The following LY75 variants were observed in gnomAD, a reference collection of about 807,000 sequenced individuals.
LY75 encodes C-type lectin domain family 13 member B.
In LY75, 185 loss-of-function variants were observed where a neutral mutation model predicts 231.7. The ratio of observed to expected loss-of-function variants is 0.80; its 90% CI spans 0.71 to 0.90. The LOEUF (loss-of-function observed/expected upper bound fraction) is 0.90, where lower values mean the gene tolerates loss of function less well. LY75 is among the 40% of genes least tolerant of loss of function. The pLI, the probability that LY75 is intolerant of heterozygous loss-of-function variation, is 0.00. For missense variants in LY75, 1,947 were observed against 2,050.2 expected (o/e 0.95, Z 0.97); for synonymous variants, 668 against 689.0 (o/e 0.97, Z 0.48).
intron 25 of LY75, among the ~76,000 whole-genome samples, chr2:159,839,504 A>T (rs370778246): frequency 3.3e-5 from 5 of 152,312 alleles, no homozygotes; most frequent in Admixed American, 2.6e-4. Flanking sequence ...TAGGATCAGC[A>T]CTTGAGATGG....
chr2:159,882,029 C>T, intron 7 of LY75, 95 bp downstream of exon 7: 1 of 1,423,378 alleles, frequency 7.0e-7, no homozygotes, highest in Non-Finnish European at 9.5e-7. Context: ...TCTGTGGGAT[C>T]AAACTGTAAG....
chr2:159,850,788 ATATATATATATT>A (rs1466896742), intron 21 of LY75, among the ~76,000 whole-genome samples: 2 of 106,812 alleles, frequency 1.9e-5, no homozygotes, highest in East Asian at 2.2e-4. Context: ...ATATATATAT[ATATATATATATT>A]ATATCTTATA....
chr2:159,804,982 A>T lies in LY75; in HGVS notation c.*62T>A. The T allele has an allele frequency of 7.5e-7, 1 of 1,328,946 alleles. No individual in the cohort carries two copies. Among genetic ancestry groups the T allele is most frequent in the Non-Finnish European group, 1.1e-6 (1 of 937,088 alleles). The allele number at this position is 1,328,946 out of a possible 1,614,324, so 82.3% of individuals were successfully genotyped here. On this transcript the variant is annotated 3_prime_UTR_variant, in exon 35 of 35. Transcript: ENST00000263636. ...GAGCAGAGTAAATACTGACACTGGG[A>T]CATTTTAAGTGACTAATTTCTCATA...
At chr2:159,841,665 G>A (rs1284127011) in intron 24 of LY75, among the ~76,000 whole-genome samples, 3 of 152,042 alleles carry the variant, frequency 2.0e-5, no homozygotes, top group Non-Finnish European at 4.4e-5. Context: ...TGTTTATAAT[G>A]TTTCAAACCC....
intron 23 of LY75, among the ~76,000 whole-genome samples, chr2:159,848,605 T>C (rs1275970408): frequency 6.6e-6 from 1 of 152,110 alleles, no homozygotes; most frequent in Non-Finnish European, 1.5e-5. Context: ...ACTTATGATA[T>C]AATACAAACT....
chr2:159,894,025 C>G lies in LY75; in HGVS notation c.526G>C (p.Asp176His). 1 of 1,613,802 alleles carries G rather than the reference C, an allele frequency of 6.2e-7. No homozygotes were observed. Residue 176 changes from aspartate (D) to histidine (H), a missense_variant, in exon 3 of 35, where the codon GAT becomes CAT. Physicochemically the swap from Asp to His is moderately conservative, Grantham distance 81. Transcript: ENST00000263636. ...GRPCEFPFLI[D>H]GTWHHDCILD... ...ATGCAATCATGATGCCAGGTCCCATCAATTAAGAATGGAAATTCACAAGGT... is the reference window on the plus strand; with the variant it reads ...ATGCAATCATGATGCCAGGTCCCATGAATTAAGAATGGAAATTCACAAGGT...
chr2:159,876,818 C>T, intron 11 of LY75, among the ~76,000 whole-genome samples: 1 of 151,608 alleles, frequency 6.6e-6, no homozygotes, highest in Middle Eastern at 3.2e-3. Context: ...CCAGCCTGGC[C>T]AAAATGGTGA....
At chr2:159,829,337 C>A (rs1361752090) in intron 28 of LY75, among the ~76,000 whole-genome samples, 2 of 152,166 alleles carry the variant, frequency 1.3e-5, no homozygotes, top group African/African-American at 4.8e-5. Context: ...AATTTTCTGA[C>A]CAATATGATG....
chr2:159,900,370 AT>A (rs1686038260), intron 1 of LY75, among the ~76,000 whole-genome samples: 1 of 152,280 alleles, frequency 6.6e-6, no homozygotes, highest in Non-Finnish European at 1.5e-5. Context: ...ACAAAGGAAA[AT>A]TTTAAACAAT....
At chr2:159,825,809 CA>C (rs201741327) in intron 28 of LY75, among the ~76,000 whole-genome samples, 4,623 of 152,254 alleles carry the variant, frequency 0.03, 216 homozygotes, top group African/African-American at 0.1. Flanking sequence ...TCAACATATG[CA>C]AATCAATAAA....
At chr2:159,865,928 T>A (rs1245530409) in intron 13 of LY75, among the ~76,000 whole-genome samples, 1 of 152,178 alleles carries the variant, frequency 6.6e-6, no homozygotes, top group Non-Finnish European at 1.5e-5. Flanking sequence ...TAAGTAGATG[T>A]AATATAAGCA....
At chr2:159,900,230 G>A (rs1457098422) in intron 1 of LY75, among the ~76,000 whole-genome samples, 1 of 152,194 alleles carries the variant, frequency 6.6e-6, no homozygotes, top group Non-Finnish European at 1.5e-5. Context: ...TGGAATGGGA[G>A]CTCAGCATCA....
chr2:159,862,776 A>G (rs542505872), intron 14 of LY75, among the ~76,000 whole-genome samples: 1 of 152,318 alleles, frequency 6.6e-6, no homozygotes, highest in South Asian at 2.1e-4. Context: ...TAGCTAATTA[A>G]CAAATGCATT....
intron 15 of LY75, among the ~76,000 whole-genome samples, chr2:159,859,796 T>C (rs1423350634): frequency 6.6e-6 from 1 of 152,298 alleles, no homozygotes; most frequent in South Asian, 2.1e-4. Flanking sequence ...CTCACAAGAT[T>C]GCTTATGTGC....
chr2:159,852,185 G>A lies in LY75; in HGVS notation c.2883+16C>T, dbSNP rs1364580892. The stretch of plus-strand genomic sequence containing the variant: ...GAAGCAATCATTGTTGCATAATGTA[G>A]CAATTCTCTTTTTACCTTATTCTGA... On this transcript the variant is annotated intron_variant, in intron 21 of 34. Transcript: ENST00000263636. The A allele has an allele frequency of 6.2e-7, 1 of 1,612,034 alleles. No individual in the cohort carries two copies. Among genetic ancestry groups the A allele is most frequent in the Non-Finnish European group, 8.5e-7 (1 of 1,178,902 alleles).
At chr2:159,811,267 T>G (rs1380959095) in intron 31 of LY75, among the ~76,000 whole-genome samples, 1 of 152,142 alleles carries the variant, frequency 6.6e-6, no homozygotes, top group East Asian at 1.9e-4. Context: ...TAATTTGTTT[T>G]ACAAAGCATA....
intron 32 of LY75, 106 bp downstream of exon 32, chr2:159,810,420 G>A: frequency 6.9e-7 from 1 of 1,449,906 alleles, no homozygotes; most frequent in Non-Finnish European, 9.3e-7. Flanking sequence ...AATGGAAAGT[G>A]CTTTAAAAAT....
rs1321166314 is a variant in LY75 at position 159,875,560 on chromosome 2, G to A, written c.1858C>T (p.Leu620Phe). The change falls in exon 12 of 35, where the codon CTT becomes TTT. Residue 620 changes from leucine to phenylalanine, a missense_variant. Physicochemically the swap from Leu to Phe is conservative, Grantham distance 22 (BLOSUM62 0). Transcript: ENST00000263636. ...EVKDCRSFKA[L>F]SICKKMSGPL... ...CCACTCATTTTCTTGCAAATTGAAA[G>A]TGCTTTGAAGCTTCTGCAGTCCTTC... is the stretch of plus-strand genomic sequence containing the variant. The A allele has an allele frequency of 3.1e-6, 5 of 1,614,082 alleles. No homozygotes were observed. The highest frequency in any genetic ancestry group is 4.2e-6 in the Non-Finnish European group (5 of 1,180,004).
intron 32 of LY75, among the ~76,000 whole-genome samples, chr2:159,808,867 G>GA (rs2125826790): frequency 6.6e-6 from 1 of 152,278 alleles, no homozygotes; most frequent in Non-Finnish European, 1.5e-5. Context: ...GTTCAGATGA[G>GA]AAAAGAGAAA....
Sources: allele counts gnomAD v4.1 joint callset (sites outside exome capture counted in the v4.1 genomes callset), GRCh38; gene constraint gnomAD v4.1.1; transcripts MANE v1.5; gene names NCBI Gene and HGNC (gene_info 2026-07-23, HGNC 2026-07-21).